NDUFAF2: variants seen among roughly 807,000 people sequenced by gnomAD.
NDUFAF2 encodes the protein NADH dehydrogenase [ubiquinone] 1 alpha subcomplex assembly factor 2.
NDUFAF2 carries 13 observed loss-of-function variants against 22.8 expected under a neutral mutation model. The ratio of observed to expected loss-of-function variants is 0.57; its 90% confidence interval spans 0.37 to 0.91. NDUFAF2 has a LOEUF of 0.91. Ranked by LOEUF, NDUFAF2 falls within the 40% of genes least tolerant of loss-of-function variation. The pLI is 0.01. For synonymous variants in NDUFAF2, 53 were observed against 64.2 expected (o/e 0.83, Z 0.84); for missense variants, 162 against 195.2 (o/e 0.83, Z 1.01).
In NDUFAF2 at chr5:61,089,661, G is replaced by A. The variant is rs528758783; in HGVS notation, c.218-9331G>A. ...AGCTTATTTCAGTAGTTATGTTTAT[G>A]TATCTGTGTAAAACCAAGATTCATT... is the stretch of plus-strand genomic sequence containing the variant. On this transcript the variant is annotated intron_variant, in intron 2 of 3. Coordinates refer to ENST00000296597, the MANE Select transcript of NDUFAF2 (RefSeq NM_174889.5). 3.9e-5 allele frequency among the ~76,000 whole-genome samples: 6 copies of A among 152,132 alleles called. No homozygotes were observed. In the South Asian group the frequency reaches 1.2e-3, roughly 32 times the overall value.
At chr5:60,977,361 C>T (rs1023890674) in intron 1 of NDUFAF2, among the ~76,000 whole-genome samples, 5 of 151,520 alleles carry the variant, frequency 3.3e-5, no homozygotes, top group South Asian at 2.1e-4. Flanking sequence ...CCCAGGAGTT[C>T]GAGATTACAA....
intron 1 of NDUFAF2, among the ~76,000 whole-genome samples, chr5:61,049,118 A>G (rs1186261206): frequency 2.0e-5 from 3 of 152,122 alleles, no homozygotes; most frequent in Non-Finnish European, 4.4e-5. Flanking sequence ...TTAAGGATCA[A>G]TTATATCCTT....
At chr5:61,074,912 G>A (rs367849604) in intron 2 of NDUFAF2, among the ~76,000 whole-genome samples, 168 of 152,274 alleles carry the variant, frequency 1.1e-3, no homozygotes, top group African/African-American at 3.7e-3. Flanking sequence ...CCTTCTTTGC[G>A]TGGCAGCGGG....
At chr5:61,073,761 G>A (rs1176417681) in intron 2 of NDUFAF2, among the ~76,000 whole-genome samples, 1 of 152,148 alleles carries the variant, frequency 6.6e-6, no homozygotes, top group Non-Finnish European at 1.5e-5. Flanking sequence ...AAAGATCAAA[G>A]GGAGACAAAC....
chr5:61,042,223 A>T lies in NDUFAF2; in HGVS notation c.128-30902A>T, dbSNP rs1751892815. ...AAATAATTCCATGATTATAATTTAAATTTTTTATAAACTCACATGATCATT... is the reference window on the plus strand; with the variant it reads ...AAATAATTCCATGATTATAATTTAATTTTTTTATAAACTCACATGATCATT... On this transcript the variant is annotated intron_variant, in intron 1 of 3. Coordinates refer to ENST00000296597, the MANE Select transcript of NDUFAF2 (RefSeq NM_174889.5). Among the ~76,000 whole-genome samples, 3 of 152,220 alleles carry T rather than the reference A, an allele frequency of 2.0e-5. No homozygotes were observed. In the South Asian group the frequency reaches 6.2e-4, roughly 32 times the overall value.
chr5:60,953,298 CTGGAAGACAG>C (rs1750571838), intron 1 of NDUFAF2, among the ~76,000 whole-genome samples: 1 of 151,892 alleles, frequency 6.6e-6, no homozygotes, highest in Non-Finnish European at 1.5e-5. Flanking sequence ...ACAATATAAG[CTGGAAGACAG>C]TGGAACAATA....
At chr5:60,989,428 C>T (rs756716147) in intron 1 of NDUFAF2, among the ~76,000 whole-genome samples, 2 of 152,100 alleles carry the variant, frequency 1.3e-5, no homozygotes, top group Non-Finnish European at 2.9e-5. Context: ...GAATATAAAT[C>T]GTTCTACCAT....
intron 1 of NDUFAF2, among the ~76,000 whole-genome samples, chr5:61,010,824 G>A (rs977472952): frequency 2.0e-5 from 3 of 152,050 alleles, no homozygotes; most frequent in Middle Eastern, 3.2e-3. Flanking sequence ...TAAATTTTGG[G>A]CAATAAGATA....
At chr5:60,960,763 A>G (rs894830902) in intron 1 of NDUFAF2, among the ~76,000 whole-genome samples, 2 of 152,156 alleles carry the variant, frequency 1.3e-5, no homozygotes, top group Admixed American at 1.3e-4. Context: ...TTTTACACTT[A>G]AAAGGCTGTT....
chr5:60,955,659 T>C (rs1750605898), intron 1 of NDUFAF2, among the ~76,000 whole-genome samples: 1 of 152,158 alleles, frequency 6.6e-6, no homozygotes, highest in Middle Eastern at 3.2e-3. Flanking sequence ...TTGCTTTGGG[T>C]AGTATGAGCA....
At chr5:61,120,433 G>C (rs1025864336) in intron 3 of NDUFAF2, among the ~76,000 whole-genome samples, 12 of 152,082 alleles carry the variant, frequency 7.9e-5, no homozygotes, top group Admixed American at 5.9e-4. Context: ...CTAAGAAGTA[G>C]TATCTCCAGT....
Position 61,078,974 on chromosome 5 carries a change from C to T in NDUFAF2, c.217+5760C>T, listed in dbSNP as rs192453493. Among the ~76,000 whole-genome samples, 363 of 152,030 alleles carry T rather than the reference C, an allele frequency of 2.4e-3. 2 individuals are homozygous for T. Among genetic ancestry groups the T allele is most frequent in the African/African-American group, 8.4e-3 (350 of 41,486 alleles). ...GTTTTTGGTAAGTTTAAGCTTGTTTCGTGTTAACAGTAATAAACATTTTTT... is the reference window on the plus strand; with the variant it reads ...GTTTTTGGTAAGTTTAAGCTTGTTTTGTGTTAACAGTAATAAACATTTTTT... On this transcript the variant is annotated intron_variant, in intron 2 of 3. Transcript: ENST00000296597.
chr5:61,105,574 T>G (rs1165498593), intron 3 of NDUFAF2, among the ~76,000 whole-genome samples: 1 of 143,810 alleles, frequency 7.0e-6, no homozygotes, highest in African/African-American at 2.6e-5. Context: ...AACTTAAGAA[T>G]GAACTGGAGC....
At chr5:61,034,522 G>A (rs1048753651) in intron 1 of NDUFAF2, among the ~76,000 whole-genome samples, 6 of 152,116 alleles carry the variant, frequency 3.9e-5, no homozygotes, top group African/African-American at 4.8e-5. Flanking sequence ...GATGTGGTCC[G>A]TCATTGACCA....
At chr5:61,094,971 T>C (rs1173901172) in intron 2 of NDUFAF2, among the ~76,000 whole-genome samples, 2 of 152,202 alleles carry the variant, frequency 1.3e-5, no homozygotes, top group African/African-American at 2.4e-5. Flanking sequence ...AAAGAAGCAG[T>C]CTAGCTATGC....
At chr5:61,117,672 CTT>C (rs202083449) in intron 3 of NDUFAF2, among the ~76,000 whole-genome samples, 2 of 128,842 alleles carry the variant, frequency 1.6e-5, no homozygotes, top group Admixed American at 8.5e-5. Flanking sequence ...ATATGATTGA[CTT>C]TTTTTTAAAA....
chr5:60,957,648 C>A (rs566017551), intron 1 of NDUFAF2, among the ~76,000 whole-genome samples: 1 of 152,218 alleles, frequency 6.6e-6, no homozygotes, highest in South Asian at 2.1e-4. Context: ...CCCAGACAGA[C>A]CCCAGTGAAT....
intron 1 of NDUFAF2, among the ~76,000 whole-genome samples, chr5:61,050,127 A>G (rs974698123): frequency 6.6e-6 from 1 of 151,974 alleles, no homozygotes; most frequent in East Asian, 1.9e-4. Context: ...ACTATTATAT[A>G]TATATTTTTT....
intron 3 of NDUFAF2, among the ~76,000 whole-genome samples, chr5:61,107,189 T>C (rs184484602): frequency 1.9e-4 from 29 of 151,224 alleles, no homozygotes; most frequent in Non-Finnish European, 2.9e-5. Context: ...TGTACTAATT[T>C]ACATTCCCAC....
Sources: gnomAD v4.1 joint callset for allele counts (sites outside exome capture counted in the v4.1 genomes callset) on GRCh38, gnomAD v4.1.1 for gene constraint, MANE v1.5 for transcripts, NCBI Gene and HGNC (gene_info 2026-07-23, HGNC 2026-07-21) for gene names.